LARGE1: variants seen among roughly 807,000 people sequenced by gnomAD.
The protein encoded by LARGE1 is xylosyl- and glucuronyltransferase LARGE1.
Under a neutral mutation model 87.6 loss-of-function variants are expected in LARGE1, and 43 were observed. The observed-to-expected ratio is 0.49, with a 90% CI of 0.38 to 0.63. The LOEUF (loss-of-function observed/expected upper bound fraction) is 0.63. LARGE1 is among the 30% of genes least tolerant of loss of function. LARGE1 has a pLI of 0.00. For missense variants in LARGE1, 802 were observed against 1,000.2 expected (o/e 0.80, Z 2.67); for synonymous variants, 434 against 394.6 (o/e 1.10, Z -1.18).
intron 7 of LARGE1, among the ~76,000 whole-genome samples, chr22:33,419,495 A>G (rs1222086871): frequency 2.0e-5 from 3 of 152,104 alleles, no homozygotes; most frequent in African/African-American, 7.2e-5. Context: ...TGGGATGCTC[A>G]TTCCAGCTCT....
chr22:33,499,453 G>T (rs1341165607), intron 6 of LARGE1, among the ~76,000 whole-genome samples: 1 of 152,194 alleles, frequency 6.6e-6, no homozygotes, highest in Non-Finnish European at 1.5e-5. Context: ...GTGCAGCACA[G>T]GACTCTTCCT....
chr22:33,833,933 C>T (rs200517189), intron 1 of LARGE1, among the ~76,000 whole-genome samples: 1 of 152,128 alleles, frequency 6.6e-6, no homozygotes, highest in African/African-American at 2.4e-5. Context: ...GTTATCCACC[C>T]ATCTCAGCCT....
intron 12 of LARGE1, among the ~76,000 whole-genome samples, chr22:33,294,008 C>G (rs1158663697): frequency 6.6e-6 from 1 of 152,216 alleles, no homozygotes; most frequent in African/African-American, 2.4e-5. Flanking sequence ...GAAGCCCATC[C>G]CATAATTCTG....
At chr22:33,136,896 G>A in the LARGE1 span, among the ~76,000 whole-genome samples, 1 of 149,440 alleles carries the variant, frequency 6.7e-6, no homozygotes, top group Non-Finnish European at 1.5e-5. Context: ...TAGGGGAGGA[G>A]AAAACTGAAG....
intron 1 of LARGE1, among the ~76,000 whole-genome samples, chr22:33,851,186 T>A (rs564404374): frequency 1.3e-5 from 2 of 152,338 alleles, no homozygotes; most frequent in South Asian, 4.1e-4. Flanking sequence ...CCCTGTTTTT[T>A]ACAAATGAAA....
At chr22:33,326,571 G>A (rs1370896728) in intron 10 of LARGE1, among the ~76,000 whole-genome samples, 1 of 152,160 alleles carries the variant, frequency 6.6e-6, no homozygotes, top group Non-Finnish European at 1.5e-5. Context: ...TGAGGTGCAG[G>A]GAGTTTAAGC....
intron 1 of LARGE1, among the ~76,000 whole-genome samples, chr22:33,882,832 G>C (rs979011675): frequency 2.0e-5 from 3 of 152,070 alleles, no homozygotes; most frequent in Non-Finnish European, 2.9e-5. Context: ...TGAACTCCAA[G>C]AGCCCCAAAC....
At chr22:33,787,475 C>A (rs1213852488) in intron 1 of LARGE1, among the ~76,000 whole-genome samples, 3 of 152,108 alleles carry the variant, frequency 2.0e-5, no homozygotes, top group Admixed American at 2.0e-4. Flanking sequence ...AATAATATTT[C>A]AAAAGCAAAT....
At chr22:33,576,744 T>A (rs762877) in intron 5 of LARGE1, among the ~76,000 whole-genome samples, 152,345 of 152,346 alleles carry the variant, frequency 1, 76,172 homozygotes, top group Middle Eastern at 1. Flanking sequence ...CTGATGTAAA[T>A]AAGTGTAGTA....
chr22:33,582,431 C>T (rs2078548352), intron 5 of LARGE1, among the ~76,000 whole-genome samples: 1 of 151,988 alleles, frequency 6.6e-6, no homozygotes, highest in South Asian at 2.1e-4. Context: ...GTTTGAAGTC[C>T]TCAGAATCCT....
At chr22:33,186,805 C>T (rs895656038) in intron 11 of LARGE1, among the ~76,000 whole-genome samples, 4 of 151,784 alleles carry the variant, frequency 2.6e-5, no homozygotes, top group African/African-American at 9.7e-5. Context: ...CATCAAAATA[C>T]ATAAGTCAAT....
chr22:33,210,912 ACAGGCAGAC>A (rs1924931294), intron 11 of LARGE1, among the ~76,000 whole-genome samples: 1 of 152,216 alleles, frequency 6.6e-6, no homozygotes, highest in Non-Finnish European at 1.5e-5. Context: ...GTAACAAGGT[ACAGGCAGAC>A]CTCGTTTTCC....
At chr22:33,906,598 C>T (rs181314344) in intron 1 of LARGE1, among the ~76,000 whole-genome samples, 6 of 152,300 alleles carry the variant, frequency 3.9e-5, no homozygotes, top group African/African-American at 1.4e-4. Context: ...AAGGAAGGGG[C>T]CTTTCCTATC....
chr22:33,717,207 ATTCATCCACCCATC>A (rs1363837662), intron 2 of LARGE1, among the ~76,000 whole-genome samples: 2 of 151,932 alleles, frequency 1.3e-5, no homozygotes, highest in Non-Finnish European at 2.9e-5. Context: ...CTTCCTACCC[ATTCATCCACCCATC>A]TACCCCCACA....
chr22:33,238,667 A>G (rs1282579400), intron 11 of LARGE1, among the ~76,000 whole-genome samples: 3 of 152,224 alleles, frequency 2.0e-5, no homozygotes, highest in Non-Finnish European at 2.9e-5. Context: ...TTAGAAATCA[A>G]TAACAAGAAT....
chr22:33,893,371 T>G (rs562438660), intron 1 of LARGE1, among the ~76,000 whole-genome samples: 139 of 152,270 alleles, frequency 9.1e-4, no homozygotes, highest in Non-Finnish European at 1.7e-3. Context: ...CTGGATCCAC[T>G]AACACTAGTA....
chr22:33,264,650 C>T (rs1349191339), intron 11 of LARGE1, among the ~76,000 whole-genome samples: 1 of 152,124 alleles, frequency 6.6e-6, no homozygotes, highest in Non-Finnish European at 1.5e-5. Flanking sequence ...CAGAGTGAGA[C>T]TTCATATCAA....
At chr22:33,762,984 T>C (rs558656768) in intron 1 of LARGE1, among the ~76,000 whole-genome samples, 1 of 152,276 alleles carries the variant, frequency 6.6e-6, no homozygotes, top group Admixed American at 6.5e-5. Flanking sequence ...CTGGCTTGGT[T>C]CTCCCCTTCC....
chr22:33,591,351 G>A (rs1268192891), intron 5 of LARGE1, among the ~76,000 whole-genome samples: 1 of 152,236 alleles, frequency 6.6e-6, no homozygotes, highest in African/African-American at 2.4e-5. Flanking sequence ...TGTAGTGGGT[G>A]TGAAGTGGTA....
Sources: gnomAD v4.1 joint callset for allele counts (sites outside exome capture counted in the v4.1 genomes callset) on GRCh38, gnomAD v4.1.1 for gene constraint, MANE v1.5 for transcripts, NCBI Gene and HGNC (gene_info 2026-07-23, HGNC 2026-07-21) for gene names.